Variants in DIDO1 observed in about 807,000 individuals in gnomAD.
DIDO1 encodes death-inducer obliterator 1.
Under a neutral mutation model 99.4 loss-of-function variants are expected in DIDO1, and 16 were observed. That is an observed-to-expected ratio of 0.16 (90% CI 0.11 to 0.24). The LOEUF (loss-of-function observed/expected upper bound fraction) is 0.24. Ranked by LOEUF, DIDO1 falls within the 10% of genes least tolerant of loss-of-function variation. The pLI is 1.00. For synonymous variants in DIDO1, 1,366 were observed against 1,239.1 expected, an observed-to-expected ratio of 1.10 and a Z score of -2.15; for missense variants, 2,996 against 3,014.0, an observed-to-expected ratio of 0.99 and a Z score of 0.14.
chr20:62,907,010 A>AC, intron 5 of DIDO1, 137 bp downstream of exon 5: 1 of 837,262 alleles, frequency 1.2e-6, no homozygotes, highest in Non-Finnish European at 1.9e-6. Flanking sequence ...AAGGTGGAAG[A>AC]CAAAGGTCAA....
chr20:62,924,407 T>C (rs1237286130), intron 1 of DIDO1, among the ~76,000 whole-genome samples: 1 of 152,174 alleles, frequency 6.6e-6, no homozygotes, highest in East Asian at 1.9e-4. Context: ...GGGACAGGCA[T>C]ATAAAAAGGA....
Position 62,880,715 on chromosome 20 carries a change from C to T in DIDO1, c.5241G>A (p.Gln1747=). ...GTTCCCGCTGACCCTGAAACGGGGG[C>T]TGAGAGCCCCCCACTTTCTGTCCTG... ...PPPGQKVGGS[Q]PPFQGQREPG... is the part of the protein sequence containing the mutation. The change falls in exon 16 of 16, where the codon CAG becomes CAA. Residue 1747 remains glutamine, a synonymous_variant. Coordinates refer to ENST00000395343, the MANE Select transcript of DIDO1 (RefSeq NM_001193369.2). The T allele has an allele frequency of 1.9e-6, 3 of 1,612,712 alleles. No homozygotes were observed. The highest frequency in any genetic ancestry group is 2.5e-6 in the Non-Finnish European group (3 of 1,179,880).
chr20:62,904,780 C>CAAAAAAAAAAAAAAAAAAAAA (rs58039393), intron 6 of DIDO1, among the ~76,000 whole-genome samples: 6 of 62,622 alleles, frequency 9.6e-5, no homozygotes, highest in Admixed American at 6.7e-4. Flanking sequence ...ACTCTTGTCT[C>CAAAAAAAAAAAAAAAAAAAAA]AAAAAAAAAA....
chr20:62,935,095 C>G (rs182288547), intron 1 of DIDO1, among the ~76,000 whole-genome samples: 295 of 152,284 alleles, frequency 1.9e-3, no homozygotes, highest in African/African-American at 6.9e-3. Flanking sequence ...CACCACCTTT[C>G]CCTCGTTGTT....
Position 62,894,432 on chromosome 20 carries a change from G to C in DIDO1, c.2553C>G (p.Leu851=), listed in dbSNP as rs1204338575. The C allele has an allele frequency of 1.2e-6, 2 of 1,612,668 alleles. No homozygotes were observed. The highest frequency in any genetic ancestry group is 2.7e-5 in the African/African-American group (2 of 74,916). Residue 851 remains leucine, a synonymous_variant, in exon 11 of 16, where the codon CTC becomes CTG. Coordinates refer to ENST00000395343, the MANE Select transcript of DIDO1 (RefSeq NM_001193369.2). This position sits in a 1 kb window ranked among gnomAD's most constrained non-coding sequence, Gnocchi z 4.4. ...GCTCACCTGTGCAAATTTTACAGTT[G>C]AGATCGAAGAGGTGTGCGCGGTGCT... ...TSQHRAHLFD[L]NCKICTGQVP...
chr20:62,882,063 G>T lies in DIDO1; in HGVS notation c.3893C>A (p.Thr1298Lys). ...TAATTAAAAS[T>K]AASSTASSAS... ...AGACGAAGCGGTGGAGGAAGCTGCC[G>T]TGGAGGCTGCCGCTGCTGTTGTGGC... Residue 1298 changes from threonine (T) to lysine (K), a missense_variant, in exon 16 of 16, where the codon ACG becomes AAG. Around this residue, in one of 5 missense-constraint regions of DIDO1, gnomAD observed 1,562 missense variants for 1,412.6 expected, o/e 1.11. Coordinates refer to ENST00000395343, the MANE Select transcript of DIDO1 (RefSeq NM_001193369.2). 1 of 1,613,552 alleles carries T rather than the reference G, an allele frequency of 6.2e-7. No individual in the cohort carries two copies. The highest frequency in any genetic ancestry group is 8.5e-7 in the Non-Finnish European group (1 of 1,180,032).
rs748192441 is a variant in DIDO1, at chr20:62,896,524, A to C, written c.2054+7T>G. 5 of 1,584,508 alleles carry C rather than the reference A, an allele frequency of 3.2e-6. 1 individual carries two copies. In the Admixed American group the frequency reaches 7.5e-5, roughly 24 times the overall value. On this transcript the variant is annotated splice_region_variant and intron_variant, in intron 7 of 15. Transcript: ENST00000395343. This position sits in a 1 kb window ranked among gnomAD's most constrained non-coding sequence, Gnocchi z 4.4. The stretch of plus-strand genomic sequence containing the variant: ...TAATGGGTAAGAAATCAAGCAGAAC[A>C]GCCCACCTTTTCCACAAAATCTCTT...
chr20:62,914,468 A>C lies in DIDO1; in HGVS notation c.-199-62T>G, dbSNP rs115808011. The stretch of plus-strand genomic sequence containing the variant: ...GTAAACTACGTATCGACAACAATTA[A>C]AAGGGAGTACCGAACTTCTCAAGTA... On this transcript the variant is annotated intron_variant, in intron 1 of 15. Coordinates refer to ENST00000395343, the MANE Select transcript of DIDO1 (RefSeq NM_001193369.2). 3.8e-3 allele frequency: 585 copies of C among 152,368 alleles called. 1 individual carries two copies. Among genetic ancestry groups the C allele is most frequent in the African/African-American group, 0.013 (537 of 41,582 alleles). 9.4% of individuals were successfully genotyped at this position (152,368 alleles called of 1,614,324 possible).
At chr20:62,910,070 C>G in intron 3 of DIDO1, 50 bp from the exon 4 acceptor site, 7 of 1,545,570 alleles carry the variant, frequency 4.5e-6, no homozygotes, top group Non-Finnish European at 6.1e-6. Context: ...GTGACAAGCA[C>G]TTTTCAACAC....
Position 62,880,767 on chromosome 20 carries a change from C to A in DIDO1, c.5189G>T (p.Gly1730Val). The change falls in exon 16 of 16, where the codon GGC (glycine) becomes GTC (valine). Residue 1730 changes from glycine to valine, a missense_variant. By Grantham distance (109) the Gly-to-Val change is moderately radical. Coordinates refer to ENST00000395343, the MANE Select transcript of DIDO1 (RefSeq NM_001193369.2). ...TGGGGGGAGCGGGGCGGTGCCCTCG[C>A]CGGGTCTGGCCTGTGGCTCTCTGTC... ...EGDREPQARP[G>V]EGTAPLPPPG... is the part of the protein sequence containing the mutation. The A allele has an allele frequency of 6.2e-7, 1 of 1,612,738 alleles. No homozygotes were observed. Among genetic ancestry groups the A allele is most frequent in the Non-Finnish European group, 8.5e-7 (1 of 1,179,902 alleles).
Position 62,890,940 on chromosome 20 carries a change from C to T in DIDO1, c.3541+20G>A. 6.2e-7 allele frequency: 1 copy of T among 1,613,062 alleles called. No individual in the cohort carries two copies. The highest frequency in any genetic ancestry group is 8.5e-7 in the Non-Finnish European group (1 of 1,180,028). On this transcript the variant is annotated intron_variant, in intron 15 of 15. Coordinates refer to ENST00000395343, the MANE Select transcript of DIDO1 (RefSeq NM_001193369.2). ...CAGGTGCAGGTGGGCCTCACCTCCA[C>T]CCAGAAAGCCGGCGCTTACCTGGTC...
intron 1 of DIDO1, among the ~76,000 whole-genome samples, chr20:62,918,549 C>T (rs189177469): frequency 9.7e-4 from 148 of 152,286 alleles, no homozygotes; most frequent in East Asian, 7.7e-4. Context: ...TTCATAACAT[C>T]GCACCTCCAG....
At position 62,895,153 on chromosome 20, in the gene DIDO1, G is replaced by A; in HGVS notation, c.2227C>T (p.Arg743Cys). ...AAAGAGATTTCCTCACGCAGAACAC[G>A]ATGGAAGAGTCCCTATAAACAAGTA... ...KDPKNQGLFH[R>C]VLREEISLAK... The change falls in exon 9 of 16, where the codon CGT becomes TGT. Residue 743 changes from arginine (R) to cysteine (C), a missense_variant. This residue lies in a region of DIDO1 where 898 missense variants were observed against 972.7 expected (regional missense o/e 0.92). Coordinates refer to ENST00000395343, the MANE Select transcript of DIDO1 (RefSeq NM_001193369.2). 6.2e-7 allele frequency: 1 copy of A among 1,607,896 alleles called. No homozygotes were observed. Among genetic ancestry groups the A allele is most frequent in the East Asian group, 2.2e-5 (1 of 44,648 alleles).
chr20:62,922,243 T>TACACACACACACATATATATAC (rs2065168808), intron 1 of DIDO1, among the ~76,000 whole-genome samples: 1 of 114,296 alleles, frequency 8.7e-6, no homozygotes, highest in Admixed American at 9.8e-5. Flanking sequence ...TATATATATA[T>TACACACACACACATATATATAC]ACACACACAC....
Position 62,881,516 on chromosome 20 carries a change from T to C in DIDO1, c.4440A>G (p.Glu1480=). The change falls in exon 16 of 16, where the codon GAA becomes GAG. Residue 1480 remains glutamate, a synonymous_variant. Transcript: ENST00000395343. This position sits in a 1 kb window ranked among gnomAD's most constrained non-coding sequence, Gnocchi z 8.3. ...GCTCCTCGATCTGTTTGTTCAGCTC[T>C]TCTAGCATCTTCTGTTGCTCCACCA... ...PSLVEQQKML[E]ELNKQIEEQK... is the part of the protein sequence containing the mutation. The C allele has an allele frequency of 6.2e-7, 1 of 1,611,320 alleles. No individual in the cohort carries two copies. Among genetic ancestry groups the C allele is most frequent in the Non-Finnish European group, 8.5e-7 (1 of 1,180,004 alleles).
chr20:62,902,867 G>GT (rs2064714319), intron 6 of DIDO1, among the ~76,000 whole-genome samples: 1 of 152,200 alleles, frequency 6.6e-6, no homozygotes, highest in Admixed American at 6.5e-5. Context: ...GATCCTCAGT[G>GT]TTTAAGTCAC....
intron 1 of DIDO1, among the ~76,000 whole-genome samples, chr20:62,933,781 G>A (rs1238166820): frequency 6.6e-6 from 1 of 152,182 alleles, no homozygotes; most frequent in East Asian, 1.9e-4. Flanking sequence ...TAACATGGGA[G>A]GATTAGCTGG....
At chr20:62,925,435 C>T (rs977851251) in intron 1 of DIDO1, among the ~76,000 whole-genome samples, 24 of 152,112 alleles carry the variant, frequency 1.6e-4, no homozygotes, top group African/African-American at 5.6e-4. Flanking sequence ...GTGAATATAC[C>T]GAAAAGACGT....
At chr20:62,887,248 A>G in intron 15 of DIDO1, 1 of 985,468 alleles carries the variant, frequency 1.0e-6, no homozygotes, top group Non-Finnish European at 1.2e-6. Flanking sequence ...TTAGGAGGAG[A>G]AGGCAGTACA....
Sources: gnomAD v4.1 joint callset for allele counts (sites outside exome capture counted in the v4.1 genomes callset) on GRCh38, gnomAD v4.1.1 for gene constraint, gnomAD v4.1.1 regional missense constraint, Gnocchi (gnomAD v3.1) non-coding constraint, MANE v1.5 for transcripts, NCBI Gene and HGNC (gene_info 2026-07-23, HGNC 2026-07-21) for gene names.